Variants in MGMT observed in about 807,000 individuals in gnomAD.
MGMT encodes O-6-methylguanine-DNA methyltransferase, also known as methylated-DNA--protein-cysteine methyltransferase.
Under a neutral mutation model 15.9 loss-of-function variants are expected in MGMT, and 14 were observed. The ratio of observed to expected loss-of-function variants is 0.88; its 90% CI spans 0.58 to 1.37. MGMT has a LOEUF of 1.37. Ranked by LOEUF, MGMT falls within the 40% of genes most tolerant of loss-of-function variation. MGMT has a pLI of 0.00. For synonymous variants in MGMT, 130 were observed against 118.2 expected (o/e 1.10, Z -0.65); for missense variants, 282 against 268.1 (o/e 1.05, Z -0.36).
intron 2 of MGMT, among the ~76,000 whole-genome samples, chr10:129,676,704 A>C (rs1239421791): frequency 6.6e-6 from 1 of 152,224 alleles, no homozygotes; most frequent in Non-Finnish European, 1.5e-5. Flanking sequence ...TGTTCTGCAG[A>C]AAAAGCACAT....
intron 2 of MGMT, among the ~76,000 whole-genome samples, chr10:129,686,166 G>T (rs554872217): frequency 4.9e-4 from 75 of 152,136 alleles, no homozygotes; most frequent in Admixed American, 1.7e-3. Flanking sequence ...AGAAACTGGA[G>T]GGCACAGACT....
chr10:129,681,828 C>T (rs1025377219), intron 2 of MGMT, among the ~76,000 whole-genome samples: 2 of 152,120 alleles, frequency 1.3e-5, no homozygotes, highest in African/African-American at 4.8e-5. Flanking sequence ...ACTGTATTTG[C>T]AAATCCCATA....
chr10:129,586,342 C>T (rs1390596132), intron 2 of MGMT, among the ~76,000 whole-genome samples: 2 of 152,216 alleles, frequency 1.3e-5, no homozygotes, highest in Non-Finnish European at 1.5e-5. Flanking sequence ...CTCTCCTCAC[C>T]TCAACCCGCT....
chr10:129,762,318 C>T (rs1190391277), intron 4 of MGMT, among the ~76,000 whole-genome samples: 1 of 152,178 alleles, frequency 6.6e-6, no homozygotes, highest in Non-Finnish European at 1.5e-5. Flanking sequence ...GCATTAATTC[C>T]TTAGGTGGCT....
At chr10:129,629,502 C>T (rs920941888) in intron 2 of MGMT, among the ~76,000 whole-genome samples, 18 of 152,156 alleles carry the variant, frequency 1.2e-4, no homozygotes, top group Non-Finnish European at 2.4e-4. Context: ...TCTGGTGAAG[C>T]GTGGGATGGG....
chr10:129,554,329 A>G (rs750891439), intron 2 of MGMT, among the ~76,000 whole-genome samples: 9 of 152,124 alleles, frequency 5.9e-5, no homozygotes, highest in Non-Finnish European at 1.0e-4. Flanking sequence ...AATTCCTTCT[A>G]GCTTTTTTTT....
chr10:129,722,556 CTTACA>C (rs1474146351), intron 3 of MGMT, among the ~76,000 whole-genome samples: 4 of 152,170 alleles, frequency 2.6e-5, no homozygotes, highest in Non-Finnish European at 5.9e-5. Context: ...ATTTGTAGGA[CTTACA>C]TTACCTGGTT....
intron 3 of MGMT, among the ~76,000 whole-genome samples, chr10:129,731,319 T>C (rs1411577913): frequency 6.6e-6 from 1 of 152,044 alleles, no homozygotes. Flanking sequence ...AAGGGCTATA[T>C]TGTGCACATT....
intron 2 of MGMT, among the ~76,000 whole-genome samples, chr10:129,560,437 A>G (rs1037574829): frequency 6.6e-6 from 1 of 152,230 alleles, no homozygotes; most frequent in African/African-American, 2.4e-5. Context: ...GACATTTCCT[A>G]TATGGATCAT....
intron 2 of MGMT, among the ~76,000 whole-genome samples, chr10:129,695,185 T>G (rs1564764078): frequency 6.6e-6 from 1 of 152,212 alleles, no homozygotes; most frequent in Non-Finnish European, 1.5e-5. Flanking sequence ...TGCAGTATTC[T>G]CAACTCTGCT....
chr10:129,505,357 G>A (rs1845614972), intron 1 of MGMT, among the ~76,000 whole-genome samples: 1 of 152,164 alleles, frequency 6.6e-6, no homozygotes, highest in African/African-American at 2.4e-5. Flanking sequence ...TTAGGCTAGT[G>A]TGAAGTTACA....
chr10:129,486,937 A>G (rs1199713172), intron 1 of MGMT, among the ~76,000 whole-genome samples: 3 of 152,240 alleles, frequency 2.0e-5, no homozygotes, highest in Non-Finnish European at 4.4e-5. Flanking sequence ...TTAATCAGTT[A>G]AATGTAATAG....
chr10:129,517,250 C>T (rs970165396), intron 1 of MGMT, among the ~76,000 whole-genome samples: 15 of 152,334 alleles, frequency 9.8e-5, no homozygotes, highest in African/African-American at 3.4e-4. Flanking sequence ...CTGTGGTCCT[C>T]TTTGGCCAGA....
Position 129,621,713 on chromosome 10 carries a change from G to C in MGMT, c.125+85336G>C, listed in dbSNP as rs1253659007. ...CCAGCTGTTATCAGCAGAGCTGTAA[G>C]TGAAATGTACTTTGATTGTTTGTTG... On this transcript the variant is annotated intron_variant, in intron 2 of 4. Coordinates refer to ENST00000651593, the MANE Select transcript of MGMT (RefSeq NM_002412.5). Among the ~76,000 whole-genome samples the C allele has an allele frequency of 2.0e-5, 3 of 152,214 alleles. No homozygotes were observed. The East Asian group carries it at 5.8e-4, about 29-fold the overall frequency.
chr10:129,528,979 G>A (rs886437678), intron 1 of MGMT, among the ~76,000 whole-genome samples: 2 of 152,176 alleles, frequency 1.3e-5, no homozygotes, highest in Non-Finnish European at 2.9e-5. Context: ...GTGATTCCAG[G>A]TCATGTAAGG....
At chr10:129,712,155 G>A (rs1312327004) in intron 3 of MGMT, among the ~76,000 whole-genome samples, 1 of 152,110 alleles carries the variant, frequency 6.6e-6, no homozygotes, top group Non-Finnish European at 1.5e-5. Context: ...TCCCACCCAT[G>A]GAAACCCTGC....
At chr10:129,481,333 C>T (rs1335348527) in intron 1 of MGMT, among the ~76,000 whole-genome samples, 1 of 152,180 alleles carries the variant, frequency 6.6e-6, no homozygotes, top group Non-Finnish European at 1.5e-5. Flanking sequence ...TGGTGAATTA[C>T]TGTTTTCATA....
chr10:129,548,186 G>A (rs1846117555), intron 2 of MGMT, among the ~76,000 whole-genome samples: 1 of 152,184 alleles, frequency 6.6e-6, no homozygotes, highest in Admixed American at 6.5e-5. Flanking sequence ...TCTTTCCCTT[G>A]TTCGTCTCTC....
At chr10:129,602,881 A>G (rs1846841263) in intron 2 of MGMT, among the ~76,000 whole-genome samples, 2 of 152,088 alleles carry the variant, frequency 1.3e-5, no homozygotes, top group South Asian at 4.1e-4. Flanking sequence ...TATTTCATAC[A>G]TTTTACCTGG....
Sources: gnomAD v4.1 joint callset for allele counts (sites outside exome capture counted in the v4.1 genomes callset) on GRCh38, gnomAD v4.1.1 for gene constraint, MANE v1.5 for transcripts, NCBI Gene and HGNC (gene_info 2026-07-23, HGNC 2026-07-21) for gene names.